Variants in UBAP2 observed in about 807,000 individuals in gnomAD.
UBAP2 encodes ubiquitin associated protein 2, also known as ubiquitin-associated protein 2.
In UBAP2, 75 loss-of-function variants were observed where a neutral mutation model predicts 139.6. The ratio of observed to expected loss-of-function variants is 0.54; its 90% CI spans 0.45 to 0.65. The LOEUF (loss-of-function observed/expected upper bound fraction) is 0.65, where lower values mean the gene tolerates loss of function less well. UBAP2 is among the 30% of genes least tolerant of loss of function. UBAP2 has a pLI of 0.00. For missense variants in UBAP2, 1,368 were observed against 1,369.6 expected, an observed-to-expected ratio of 1.00 and a Z score of 0.02; for synonymous variants, 526 against 526.2, an observed-to-expected ratio of 1.00 and a Z score of 0.01.
chr9:33,936,618 T>TGGGCA (rs1421455415), intron 16 of UBAP2, among the ~76,000 whole-genome samples: 4 of 151,842 alleles, frequency 2.6e-5, no homozygotes, highest in African/African-American at 9.7e-5. Context: ...TACTCCAGCA[T>TGGGCA]GGGCAACAGA....
chr9:34,047,307 G>A (rs1688986672), intron 1 of UBAP2, among the ~76,000 whole-genome samples: 1 of 152,132 alleles, frequency 6.6e-6, no homozygotes, highest in Admixed American at 6.6e-5. Flanking sequence ...AATCACTTCT[G>A]CCTAATGATA....
At chr9:33,973,153 A>T in intron 7 of UBAP2, 30 bp downstream of exon 7, 1 of 1,607,502 alleles carries the variant, frequency 6.2e-7, no homozygotes, top group Non-Finnish European at 8.5e-7. Flanking sequence ...GGAAGTAAAT[A>T]ATTATAAAAA....
At chr9:33,994,843 T>C (rs1306807227) in intron 4 of UBAP2, 1 of 152,192 alleles carries the variant, frequency 6.6e-6, no homozygotes, top group African/African-American at 2.4e-5. Context: ...ACACAGTCAT[T>C]TTAGCTTTCA....
chr9:34,007,232 G>A (rs949706155), intron 2 of UBAP2, among the ~76,000 whole-genome samples: 21 of 152,160 alleles, frequency 1.4e-4, no homozygotes, highest in Admixed American at 7.2e-4. Flanking sequence ...AGTGACTCAC[G>A]CCTGTAATCC....
At position 33,977,020 on chromosome 9, in the gene UBAP2, CA is replaced by C. The variant is rs536441655; in HGVS notation, c.521-3784del. Among the ~76,000 whole-genome samples, 23 of 146,646 alleles carry C rather than the reference CA, an allele frequency of 1.6e-4. 1 individual carries two copies. In the South Asian group the frequency reaches 5.0e-3, roughly 32 times the overall value. On this transcript the variant is annotated intron_variant, in intron 6 of 28. Transcript: ENST00000379238. ...AAGTAAGACTCGGTCTTGGAAAAAACAAAAACAGTTGTTTTTTATTTATTTT... is the reference window on the plus strand; with the variant it reads ...AAGTAAGACTCGGTCTTGGAAAAAACAAAACAGTTGTTTTTTATTTATTTT...
intron 1 of UBAP2, 45 bp from the exon 2 acceptor site, chr9:34,017,234 A>G: frequency 1.2e-6 from 1 of 865,540 alleles, no homozygotes; most frequent in Non-Finnish European, 1.7e-6. Flanking sequence ...ATAGTAAAAG[A>G]TAAGCATGTA....
At chr9:33,974,894 C>T (rs307684) in intron 6 of UBAP2, among the ~76,000 whole-genome samples, 46,782 of 138,244 alleles carry the variant, frequency 0.34, 7,999 homozygotes, top group African/African-American at 0.48. Flanking sequence ...TCCTAACTTG[C>T]GTCACTGTTC....
At chr9:34,003,921 T>A (rs1338239659) in intron 2 of UBAP2, among the ~76,000 whole-genome samples, 1 of 152,060 alleles carries the variant, frequency 6.6e-6, no homozygotes, top group Non-Finnish European at 1.5e-5. Context: ...GGTTTCATCA[T>A]GTTGATCAGG....
chr9:33,951,758 T>C (rs975723217), intron 12 of UBAP2, among the ~76,000 whole-genome samples: 26 of 152,318 alleles, frequency 1.7e-4, no homozygotes, highest in Admixed American at 3.9e-4. Flanking sequence ...TGCTGGTCAC[T>C]ACATAAAGCA....
chr9:33,946,449 T>G (rs1825660795), intron 13 of UBAP2, among the ~76,000 whole-genome samples: 1 of 152,224 alleles, frequency 6.6e-6, no homozygotes, highest in Non-Finnish European at 1.5e-5. Flanking sequence ...GAGATCCAAC[T>G]TCATTTTTCA....
chr9:34,027,617 G>C (rs1825514822), intron 1 of UBAP2, among the ~76,000 whole-genome samples: 1 of 151,972 alleles, frequency 6.6e-6, no homozygotes, highest in African/African-American at 2.4e-5. Context: ...CAGCACTCTG[G>C]GAGGCCAAGG....
In UBAP2 at chr9:33,989,056, C is replaced by A; in HGVS notation, c.359G>T (p.Arg120Ile). 1 of 1,614,028 alleles carries A rather than the reference C, an allele frequency of 6.2e-7. No homozygotes were observed. The highest frequency in any genetic ancestry group is 8.5e-7 in the Non-Finnish European group (1 of 1,179,978). ...CGATTCTTTCTCGCTTTTCTTCTCT[C>A]TATTCTCTTTGTTTTCTGAATTTTC... is the stretch of plus-strand genomic sequence containing the variant. ...AKENSENKEN[R>I]EKKSEKESSR... The change falls in exon 5 of 29, where the codon AGA (arginine) becomes ATA (isoleucine). Residue 120 changes from arginine to isoleucine, a missense_variant. Physicochemically the swap from Arg to Ile is moderately conservative, Grantham distance 97. Transcript: ENST00000379238.
intron 7 of UBAP2, among the ~76,000 whole-genome samples, chr9:33,972,092 G>A (rs2131057225): frequency 6.6e-6 from 1 of 152,290 alleles, no homozygotes; most frequent in South Asian, 2.1e-4. Context: ...GAAAAATAAG[G>A]CATAAATAGG....
chr9:34,024,573 C>A (rs368994955), intron 1 of UBAP2, among the ~76,000 whole-genome samples: 1 of 152,126 alleles, frequency 6.6e-6, no homozygotes, highest in African/African-American at 2.4e-5. Flanking sequence ...AGGTTTCGCA[C>A]AACAATCACA....
chr9:33,948,599 G>T lies in UBAP2; in HGVS notation c.1057-12C>A. ...CCAAGGACGGATGACTTTAAAAGGG[G>T]GATAAAAGAACAAATCCTCAACAAT... is the stretch of plus-strand genomic sequence containing the variant. On this transcript the variant is annotated splice_polypyrimidine_tract_variant and intron_variant, in intron 12 of 28. Coordinates refer to ENST00000379238, the MANE Select transcript of UBAP2 (RefSeq NM_001370062.2). 6.2e-7 allele frequency: 1 copy of T among 1,611,574 alleles called. No homozygotes were observed. The highest frequency in any genetic ancestry group is 8.5e-7 in the Non-Finnish European group (1 of 1,178,276).
Position 33,986,816 on chromosome 9 carries a change from A to T in UBAP2, c.464T>A (p.Ile155Asn). The T allele has an allele frequency of 1.2e-6, 2 of 1,614,136 alleles. No individual in the cohort carries two copies. The highest frequency in any genetic ancestry group is 1.3e-5 in the African/African-American group (1 of 75,038). ...AGGTTTGTCCACTTGATTGCAATCA[A>T]TTCCATTTTCTTCACCTCTAACTAG... ...GREFRGEENG[I>N]DCNQVDKPSD... Residue 155 changes from isoleucine (I) to asparagine (N), a missense_variant, in exon 6 of 29, where the codon ATT becomes AAT. Ile to Asn is a moderately radical substitution (Grantham distance 149, BLOSUM62 -3). Transcript: ENST00000379238.
At chr9:33,930,649 C>T (rs1823891822) in intron 19 of UBAP2, among the ~76,000 whole-genome samples, 1 of 151,894 alleles carries the variant, frequency 6.6e-6, no homozygotes. Flanking sequence ...TGTAATCCCA[C>T]CACTTTGGGA....
rs745920408 is a variant in UBAP2 at position 33,927,844 on chromosome 9, G to A, written c.2324C>T (p.Ala775Val). Residue 775 changes from alanine (A) to valine (V), a missense_variant, in exon 20 of 29, where the codon GCG becomes GTG. Physicochemically the swap from Ala to Val is moderately conservative, Grantham distance 64. Transcript: ENST00000379238. ...CCTGCTACTGCTGCTGGATGCACTC[G>A]CGGGGGTCCCACCCAGACAGAGGCT... ...ANSLCLGGTP[A>V]SASSSSSRAA... 12 of 1,614,014 alleles carry A rather than the reference G, an allele frequency of 7.4e-6. No individual in the cohort carries two copies. The highest frequency in any genetic ancestry group is 2.7e-5 in the African/African-American group (2 of 74,954).
intron 1 of UBAP2, among the ~76,000 whole-genome samples, chr9:34,033,655 G>A (rs577428427): frequency 1.5e-4 from 22 of 151,560 alleles, no homozygotes; most frequent in African/African-American, 5.1e-4. Flanking sequence ...TCGGTTCCCT[G>A]CAACCTCTGC....
Sources: gnomAD v4.1 joint callset for allele counts (sites outside exome capture counted in the v4.1 genomes callset) on GRCh38, gnomAD v4.1.1 for gene constraint, MANE v1.5 for transcripts, NCBI Gene and HGNC (gene_info 2026-07-23, HGNC 2026-07-21) for gene names.